Variants in ZPLD1 observed in about 807,000 individuals in gnomAD.
ZPLD1 encodes the protein zona pellucida like domain containing 1.
Under a neutral mutation model 47.2 loss-of-function variants are expected in ZPLD1, and 34 were observed. The ratio of observed to expected loss-of-function variants is 0.72; its 90% CI spans 0.55 to 0.96. ZPLD1 has a LOEUF of 0.96. Ranked by LOEUF, ZPLD1 falls within the 40% of genes least tolerant of loss-of-function variation. The pLI is 0.00. For synonymous variants in ZPLD1, 176 were observed against 186.2 expected (o/e 0.95, Z 0.45); for missense variants, 512 against 505.8 (o/e 1.01, Z -0.12).
At chr3:102,425,461 C>G (rs1384467562) in intron 8 of ZPLD1, among the ~76,000 whole-genome samples, 1 of 152,114 alleles carries the variant, frequency 6.6e-6, no homozygotes, top group Non-Finnish European at 1.5e-5. Flanking sequence ...CAATCTCAAC[C>G]AAAATAATAC....
intron 6 of ZPLD1, among the ~76,000 whole-genome samples, chr3:102,391,640 G>A (rs1706496672): frequency 6.6e-6 from 1 of 152,020 alleles, no homozygotes; most frequent in Non-Finnish European, 1.5e-5. Context: ...CCCTAAGTGA[G>A]CCATCTGGGA....
intron 4 of ZPLD1, among the ~76,000 whole-genome samples, chr3:102,454,236 CCTGCAGCTTGAGTATTGTTGACT>C (rs1411917511): frequency 6.6e-6 from 1 of 152,166 alleles, no homozygotes; most frequent in African/African-American, 2.4e-5. Flanking sequence ...CATTTCCAAG[CCTGCAGCTTGAGTATTGTTGACT>C]CTTTTTATTA....
chr3:102,432,562 C>G (rs569162880), upstream of ZPLD1, among the ~76,000 whole-genome samples: 9 of 152,178 alleles, frequency 5.9e-5, no homozygotes, highest in African/African-American at 1.9e-4. Flanking sequence ...TTGTTGAGGT[C>G]ATTTGTCTCT....
At chr3:102,443,907 A>G (rs1320262482) in intron 3 of ZPLD1, among the ~76,000 whole-genome samples, 1 of 152,244 alleles carries the variant, frequency 6.6e-6, no homozygotes, top group African/African-American at 2.4e-5. Context: ...TTTGGTCTCC[A>G]AGTTGTCAAG....
intron 3 of ZPLD1, among the ~76,000 whole-genome samples, chr3:102,446,412 C>T (rs1262137563): frequency 6.6e-6 from 1 of 152,144 alleles, no homozygotes; most frequent in Non-Finnish European, 1.5e-5. Flanking sequence ...TCAGCTATTA[C>T]TATTATTATT....
In ZPLD1 at chr3:102,457,789, C is replaced by T. The variant is rs202040687; in HGVS notation, c.518C>T (p.Ala173Val). Residue 173 changes from alanine (A) to valine (V), a missense_variant, in exon 6 of 12, where the codon GCG becomes GTG. Physicochemically the swap from Ala to Val is moderately conservative, Grantham distance 64. Coordinates refer to ENST00000466937, the MANE Select transcript of ZPLD1 (RefSeq NM_001329788.2). Reference protein sequence around the residue: ...VNNTQLASSSAAISVRENNGT... With the variant: ...VNNTQLASSSVAISVRENNGT... ...TTCTAAATGTGTTTTAGGTCCTCAGCGGCTATTTCTGTGAGAGAGAACAAT... is the reference window on the plus strand; with the variant it reads ...TTCTAAATGTGTTTTAGGTCCTCAGTGGCTATTTCTGTGAGAGAGAACAAT... 82 of 1,613,820 alleles carry T rather than the reference C, an allele frequency of 5.1e-5. No homozygotes were observed. The highest frequency in any genetic ancestry group is 3.5e-4 in the South Asian group (32 of 91,070).
At chr3:102,432,268 A>C (rs1707025054), upstream of ZPLD1, among the ~76,000 whole-genome samples, 1 of 152,216 alleles carries the variant, frequency 6.6e-6, no homozygotes, top group Non-Finnish European at 1.5e-5. Flanking sequence ...CCCTACAGGA[A>C]TGGCAGCCTG....
chr3:102,388,106 C>T (rs976756777), intron 6 of ZPLD1, among the ~76,000 whole-genome samples: 4 of 151,930 alleles, frequency 2.6e-5, no homozygotes, highest in Non-Finnish European at 4.4e-5. Flanking sequence ...GTGATCCGCC[C>T]GCCTCGGCCT....
At chr3:102,457,878 A>G (rs1162283974) in intron 6 of ZPLD1, 25 bp downstream of exon 6, 2 of 1,611,060 alleles carry the variant, frequency 1.2e-6, no homozygotes. Flanking sequence ...GAAGGATGTT[A>G]TTTTCTCTTT....
intron 3 of ZPLD1, 144 bp from the exon 4 acceptor site, chr3:102,452,775 C>A: frequency 1.1e-6 from 1 of 894,874 alleles, no homozygotes. Context: ...TACTTAATAG[C>A]TGGCACATTG....
intron 3 of ZPLD1, among the ~76,000 whole-genome samples, chr3:102,443,105 G>T (rs1707206351): frequency 6.6e-6 from 1 of 152,084 alleles, no homozygotes; most frequent in Non-Finnish European, 1.5e-5. Context: ...TAAACTTTCT[G>T]GCCTCTAAAG....
At chr3:102,418,341 T>A (rs1035092869) in intron 8 of ZPLD1, 2 of 152,042 alleles carry the variant, frequency 1.3e-5, no homozygotes, top group African/African-American at 4.8e-5. Flanking sequence ...CTCCTGTAGT[T>A]GTTGTTGTGG....
chr3:102,388,429 G>GTCTCTCTCTCTCTCTCTCTCTC (rs71781267), intron 6 of ZPLD1, among the ~76,000 whole-genome samples: 101 of 135,966 alleles, frequency 7.4e-4, no homozygotes, highest in African/African-American at 2.4e-3. Flanking sequence ...CTCTCCTGGA[G>GTCTCTCTCTCTCTCTCTCTCTC]TCTCTCTCTC....
chr3:102,455,581 T>A (rs1707400343), intron 4 of ZPLD1, among the ~76,000 whole-genome samples: 1 of 152,210 alleles, frequency 6.6e-6, no homozygotes, highest in Non-Finnish European at 1.5e-5. Flanking sequence ...CCCAAAATGC[T>A]GATCGCTGTG....
intron 7 of ZPLD1, among the ~76,000 whole-genome samples, chr3:102,400,515 C>T (rs1034095083): frequency 6.6e-6 from 1 of 152,040 alleles, no homozygotes; most frequent in South Asian, 2.1e-4. Flanking sequence ...TACCCACCCT[C>T]TGCCTTCTCC....
chr3:102,416,613 A>T (rs1391333098), intron 7 of ZPLD1, among the ~76,000 whole-genome samples: 1 of 151,960 alleles, frequency 6.6e-6, no homozygotes, highest in Non-Finnish European at 1.5e-5. Flanking sequence ...GTTTATCATG[A>T]TCACTTAAAT....
chr3:102,446,982 A>T (rs1707264986), intron 3 of ZPLD1, among the ~76,000 whole-genome samples: 1 of 152,296 alleles, frequency 6.6e-6, no homozygotes, highest in Admixed American at 6.5e-5. Flanking sequence ...TGTAGTTTAG[A>T]TCTTGAAAAT....
At chr3:102,389,794 A>T (rs1706475079) in intron 6 of ZPLD1, among the ~76,000 whole-genome samples, 1 of 152,136 alleles carries the variant, frequency 6.6e-6, no homozygotes, top group Non-Finnish European at 1.5e-5. Flanking sequence ...GTCACTTTTA[A>T]TATCATTTCT....
intron 7 of ZPLD1, among the ~76,000 whole-genome samples, chr3:102,412,512 G>A (rs1706757354): frequency 6.6e-6 from 1 of 151,696 alleles, no homozygotes; most frequent in African/African-American, 2.4e-5. Flanking sequence ...ATGATTGAAG[G>A]AACTTAAGTT....
Sources: gnomAD v4.1 joint callset for allele counts (sites outside exome capture counted in the v4.1 genomes callset) on GRCh38, gnomAD v4.1.1 for gene constraint, MANE v1.5 for transcripts, NCBI Gene and HGNC (gene_info 2026-07-23, HGNC 2026-07-21) for gene names.